Variants in L3MBTL4 observed in about 807,000 individuals in gnomAD.
L3MBTL4 encodes the protein L3MBTL histone methyl-lysine binding protein 4.
Under a neutral mutation model 84.5 loss-of-function variants are expected in L3MBTL4, and 70 were observed. That is an observed-to-expected ratio of 0.83 (90% CI 0.68 to 1.01). The LOEUF (loss-of-function observed/expected upper bound fraction) is 1.01, where lower values mean the gene tolerates loss of function less well. Ranked by LOEUF, L3MBTL4 falls within the 50% of genes least tolerant of loss-of-function variation. The probability of loss-of-function intolerance (pLI) is 0.00; values close to 1 mark genes in which losing one functional copy is unlikely to be tolerated. For synonymous variants in L3MBTL4, 274 were observed against 259.8 expected (o/e 1.05, Z -0.52); for missense variants, 715 against 754.8 (o/e 0.95, Z 0.62).
At chr18:6,021,608 T>C (rs1304295862) in intron 16 of L3MBTL4, among the ~76,000 whole-genome samples, 1 of 152,164 alleles carries the variant, frequency 6.6e-6, no homozygotes, top group Non-Finnish European at 1.5e-5. Flanking sequence ...ATTGACTAAA[T>C]AGCAGCATTC....
At chr18:6,364,273 T>C (rs191608791) in intron 1 of L3MBTL4, among the ~76,000 whole-genome samples, 39 of 152,270 alleles carry the variant, frequency 2.6e-4, no homozygotes, top group Admixed American at 2.5e-3. Context: ...ATTAAAATAT[T>C]ATTTATGTTA....
intron 16 of L3MBTL4, among the ~76,000 whole-genome samples, chr18:6,034,241 C>A (rs1481912808): frequency 6.6e-6 from 1 of 152,190 alleles, no homozygotes; most frequent in Non-Finnish European, 1.5e-5. Context: ...TGGTGCGCTG[C>A]ACCCACTAAC....
chr18:5,991,045 G>A (rs1009096649), intron 16 of L3MBTL4, among the ~76,000 whole-genome samples: 9 of 152,008 alleles, frequency 5.9e-5, no homozygotes, highest in African/African-American at 2.2e-4. Flanking sequence ...TTGGTCCCCT[G>A]AATGCATCTT....
intron 10 of L3MBTL4, among the ~76,000 whole-genome samples, chr18:6,234,195 C>A (rs1294126849): frequency 6.6e-6 from 1 of 152,112 alleles, no homozygotes; most frequent in Non-Finnish European, 1.5e-5. Context: ...ACATGTTAGA[C>A]CTAAAACCAT....
At chr18:6,240,338 T>G (rs182295998) in intron 8 of L3MBTL4, among the ~76,000 whole-genome samples, 86 of 151,676 alleles carry the variant, frequency 5.7e-4, no homozygotes, top group Admixed American at 5.3e-3. Context: ...TGAAAATAAG[T>G]GGCTTTTTCA....
At chr18:6,405,403 G>A (rs1024904951) in intron 1 of L3MBTL4, among the ~76,000 whole-genome samples, 9 of 152,214 alleles carry the variant, frequency 5.9e-5, no homozygotes, top group African/African-American at 9.6e-5. Context: ...GCCGCTCTGC[G>A]ACCTGCACAA....
chr18:6,335,006 A>G (rs1444807041), intron 1 of L3MBTL4, among the ~76,000 whole-genome samples: 3 of 152,186 alleles, frequency 2.0e-5, no homozygotes, highest in African/African-American at 7.2e-5. Context: ...TTGAACCGTT[A>G]ATGGTTTACC....
intron 12 of L3MBTL4, among the ~76,000 whole-genome samples, chr18:6,190,272 T>C (rs1033380246): frequency 6.6e-6 from 1 of 152,152 alleles, no homozygotes; most frequent in Admixed American, 6.5e-5. Context: ...TGGAAAGGTA[T>C]GGGAAAGGGC....
chr18:6,099,386 A>C (rs1483101734), intron 14 of L3MBTL4, among the ~76,000 whole-genome samples: 1 of 151,220 alleles, frequency 6.6e-6, no homozygotes, highest in Non-Finnish European at 1.5e-5. Context: ...ATCTGACTGA[A>C]ATTGTTGCTA....
intron 16 of L3MBTL4, among the ~76,000 whole-genome samples, chr18:6,028,522 C>G (rs1333778198): frequency 1.3e-5 from 2 of 152,170 alleles, no homozygotes; most frequent in Non-Finnish European, 2.9e-5. Flanking sequence ...TATATGGGCT[C>G]TTTTCTGGTT....
chr18:6,111,220 G>A (rs1037825777), intron 14 of L3MBTL4, among the ~76,000 whole-genome samples: 3 of 152,106 alleles, frequency 2.0e-5, no homozygotes, highest in Non-Finnish European at 2.9e-5. Flanking sequence ...ATGGATAAGG[G>A]TTTTCTTTGG....
At position 5,956,209 on chromosome 18, in the gene L3MBTL4, A is replaced by C; in HGVS notation, c.*11T>G. 1 of 1,608,288 alleles carries C rather than the reference A, an allele frequency of 6.2e-7. No individual in the cohort carries two copies. Among genetic ancestry groups the C allele is most frequent in the Non-Finnish European group, 8.5e-7 (1 of 1,176,944 alleles). On this transcript the variant is annotated 3_prime_UTR_variant, in exon 19 of 19. Coordinates refer to ENST00000317931, the MANE Select transcript of L3MBTL4 (RefSeq NM_001330559.2). ...CAGGTCTTGGTGCCAGAGGAAGTTC[A>C]GGGAGCCCATTCATCCCCTGACTTC...
intron 16 of L3MBTL4, among the ~76,000 whole-genome samples, chr18:5,995,311 T>C (rs2053905828): frequency 6.6e-6 from 1 of 152,244 alleles, no homozygotes. Context: ...ATGGTGACGG[T>C]GACAGTGACG....
chr18:6,146,338 C>G (rs1322159228), intron 13 of L3MBTL4, among the ~76,000 whole-genome samples: 1 of 152,122 alleles, frequency 6.6e-6, no homozygotes, highest in Admixed American at 6.5e-5. Context: ...GAGTTCGTGT[C>G]CATGAAGAAG....
At chr18:6,235,470 G>A (rs1482989038) in intron 10 of L3MBTL4, among the ~76,000 whole-genome samples, 4 of 152,154 alleles carry the variant, frequency 2.6e-5, no homozygotes, top group African/African-American at 9.7e-5. Context: ...ACTGTGGTAT[G>A]TACATACAAT....
At chr18:6,351,643 C>T (rs1196959161) in intron 1 of L3MBTL4, among the ~76,000 whole-genome samples, 1 of 152,000 alleles carries the variant, frequency 6.6e-6, no homozygotes, top group Non-Finnish European at 1.5e-5. Context: ...GCTCCGCCTC[C>T]CGGGTTCACG....
chr18:6,263,905 G>C (rs758399096), intron 5 of L3MBTL4, 42 bp downstream of exon 5: 3 of 1,299,386 alleles, frequency 2.3e-6, no homozygotes, highest in Non-Finnish European at 3.4e-6. Flanking sequence ...AACCTCTTAA[G>C]TGTTGCTTCC....
At chr18:6,008,164 A>G (rs2054574592) in intron 16 of L3MBTL4, among the ~76,000 whole-genome samples, 2 of 152,278 alleles carry the variant, frequency 1.3e-5, no homozygotes, top group African/African-American at 4.8e-5. Context: ...GTAAGTGGCC[A>G]CGGGGATCTA....
intron 16 of L3MBTL4, among the ~76,000 whole-genome samples, chr18:6,027,393 TC>T (rs1463092298): frequency 1.2e-4 from 18 of 152,356 alleles, no homozygotes; most frequent in African/African-American, 3.8e-4. Context: ...TGCATAGTAT[TC>T]CATGGTCCAT....
Sources: allele counts gnomAD v4.1 joint callset (sites outside exome capture counted in the v4.1 genomes callset), GRCh38; gene constraint gnomAD v4.1.1; transcripts MANE v1.5; gene names NCBI Gene and HGNC (gene_info 2026-07-23, HGNC 2026-07-21).